NUAK1: variants seen among roughly 807,000 people sequenced by gnomAD.
The protein encoded by NUAK1 is NUAK family SNF1-like kinase 1.
NUAK1 carries 26 observed loss-of-function variants against 56.9 expected under a neutral mutation model. The observed-to-expected ratio is 0.46, with a 90% CI of 0.33 to 0.63. The LOEUF (loss-of-function observed/expected upper bound fraction) is 0.63. Among genes scored for constraint, NUAK1 ranks in the 30% least tolerant of loss-of-function variants. NUAK1 has a pLI of 0.02. For synonymous variants in NUAK1, 337 were observed against 336.0 expected (o/e 1.00, Z -0.03); for missense variants, 727 against 876.1 (o/e 0.83, Z 2.15).
chr12:106,090,567 A>G (rs1445196000), intron 2 of NUAK1, among the ~76,000 whole-genome samples: 1 of 152,154 alleles, frequency 6.6e-6, no homozygotes. Flanking sequence ...AACTACAAAG[A>G]GTACGAGGCA....
intron 4 of NUAK1, 40 bp from the exon 5 acceptor site, chr12:106,072,883 T>C (rs774255345): frequency 4.3e-6 from 7 of 1,611,230 alleles, no homozygotes; most frequent in Non-Finnish European, 5.9e-6. Flanking sequence ...TTGTTAGCAT[T>C]CCAGATTATG....
At chr12:106,134,035 C>T (rs2033105696) in intron 1 of NUAK1, among the ~76,000 whole-genome samples, 2 of 152,174 alleles carry the variant, frequency 1.3e-5, no homozygotes, top group Non-Finnish European at 1.5e-5. Context: ...CCATGTCTTT[C>T]TCTAGTAAAG....
At chr12:106,128,890 T>G (rs78696934) in intron 1 of NUAK1, among the ~76,000 whole-genome samples, 3 of 152,246 alleles carry the variant, frequency 2.0e-5, no homozygotes, top group African/African-American at 7.2e-5. Context: ...ATGGTGTTTT[T>G]TCAAGACATA....
chr12:106,087,910 T>C (rs574077711), intron 2 of NUAK1, among the ~76,000 whole-genome samples: 29 of 152,320 alleles, frequency 1.9e-4, no homozygotes, highest in African/African-American at 6.7e-4. Context: ...ATGCCGCAGG[T>C]TGCAGGGCCG....
Position 106,138,287 on chromosome 12 carries a change from G to T in NUAK1, c.240+127C>A. The T allele has an allele frequency of 7.7e-7, 1 of 1,299,174 alleles. No individual in the cohort carries two copies. Among genetic ancestry groups the T allele is most frequent in the Non-Finnish European group, 1.0e-6 (1 of 974,680 alleles). 80.5% of individuals were successfully genotyped at this position (1,299,174 alleles called of 1,614,324 possible). A position where few individuals can be genotyped will look rare whatever the true frequency, so the allele number is the denominator to read the frequency against. ...AGAAAGAGTGAGGAGTCTGTCTCGG[G>T]GCTTCCCAATGAGCCCCCTCTCTGT... On this transcript the variant is annotated intron_variant, in intron 1 of 6. Coordinates refer to ENST00000261402, the MANE Select transcript of NUAK1 (RefSeq NM_014840.3). This position sits in a 1 kb window ranked among gnomAD's most constrained non-coding sequence, Gnocchi z 5.0.
chr12:106,100,280 G>C (rs1445817986), intron 2 of NUAK1, among the ~76,000 whole-genome samples: 1 of 151,862 alleles, frequency 6.6e-6, no homozygotes, highest in Non-Finnish European at 1.5e-5. Context: ...GTGTGGTCCA[G>C]ATCTAGCCCT....
At chr12:106,071,250 G>A (rs974919514) in intron 5 of NUAK1, among the ~76,000 whole-genome samples, 2 of 152,182 alleles carry the variant, frequency 1.3e-5, no homozygotes, top group African/African-American at 4.8e-5. Flanking sequence ...ACTGAGGCAC[G>A]AAGAACCTAA....
At position 106,065,036 on chromosome 12, in the gene NUAK1, T is replaced by G. The variant is rs952729822; in HGVS notation, c.*1766A>C. The G allele has an allele frequency of 6.6e-6, 1 of 152,162 alleles. No homozygotes were observed. Among genetic ancestry groups the G allele is most frequent in the Non-Finnish European group, 1.5e-5 (1 of 68,030 alleles). The allele number at this position is 152,162 out of a possible 1,614,324, so 9.4% of individuals were successfully genotyped here. On this transcript the variant is annotated 3_prime_UTR_variant, in exon 7 of 7. Coordinates refer to ENST00000261402, the MANE Select transcript of NUAK1 (RefSeq NM_014840.3). The stretch of plus-strand genomic sequence containing the variant: ...ATTCTAATGCACTTTCTTAGCACTG[T>G]AAGGTGAATTTTTTTCTCATCTCCC...
chr12:106,087,531 G>C (rs975485573), intron 2 of NUAK1, among the ~76,000 whole-genome samples: 2 of 152,320 alleles, frequency 1.3e-5, no homozygotes, highest in African/African-American at 2.4e-5. Flanking sequence ...ATTTGGCACA[G>C]AGTAACATAG....
chr12:106,088,880 C>A (rs1413059762), intron 2 of NUAK1, among the ~76,000 whole-genome samples: 1 of 152,182 alleles, frequency 6.6e-6, no homozygotes, highest in African/African-American at 2.4e-5. Flanking sequence ...AAGCTCAGAC[C>A]CCTCCAGTTC....
At chr12:106,085,025 CT>C (rs2032557266) in intron 3 of NUAK1, among the ~76,000 whole-genome samples, 2 of 152,164 alleles carry the variant, frequency 1.3e-5, no homozygotes, top group Non-Finnish European at 2.9e-5. Context: ...TTCTACTAAT[CT>C]TTTTCTAATT....
chr12:106,117,899 A>C (rs2032934002), intron 1 of NUAK1, among the ~76,000 whole-genome samples: 2 of 152,218 alleles, frequency 1.3e-5, no homozygotes, highest in South Asian at 4.1e-4. Flanking sequence ...CTGTGTCCTC[A>C]ATATCTAGGA....
intron 1 of NUAK1, among the ~76,000 whole-genome samples, chr12:106,130,539 T>G (rs2033067269): frequency 6.6e-6 from 1 of 152,198 alleles, no homozygotes. Context: ...TGGGGAAGCT[T>G]CAGCCACAGA....
chr12:106,096,876 T>G (rs12303697), intron 2 of NUAK1, among the ~76,000 whole-genome samples: 2,304 of 152,296 alleles, frequency 0.015, 67 homozygotes, highest in African/African-American at 0.052. Flanking sequence ...CTGGAATTTT[T>G]GGGGGTGAGA....
chr12:106,096,000 C>T (rs1220131391), intron 2 of NUAK1, among the ~76,000 whole-genome samples: 2 of 152,176 alleles, frequency 1.3e-5, no homozygotes, highest in South Asian at 2.1e-4. Flanking sequence ...ACCCCCCTTT[C>T]AATATCCAAA....
At chr12:106,132,173 C>T (rs575362302) in intron 1 of NUAK1, among the ~76,000 whole-genome samples, 3 of 152,332 alleles carry the variant, frequency 2.0e-5, no homozygotes, top group South Asian at 2.1e-4. Flanking sequence ...AAGGGGAATT[C>T]GTGCAGAAAA....
At chr12:106,112,513 G>A (rs908796284) in intron 1 of NUAK1, among the ~76,000 whole-genome samples, 40 of 152,240 alleles carry the variant, frequency 2.6e-4, no homozygotes, top group African/African-American at 7.2e-4. Flanking sequence ...CAGTCACCAC[G>A]GTGATGCCAC....
intron 1 of NUAK1, among the ~76,000 whole-genome samples, chr12:106,122,402 C>G (rs191231903): frequency 6.6e-6 from 1 of 152,212 alleles, no homozygotes; most frequent in South Asian, 2.1e-4. Context: ...CCTGTTTATC[C>G]GCCTGAAAAA....
At chr12:106,078,583 G>A (rs993217526) in intron 4 of NUAK1, among the ~76,000 whole-genome samples, 1 of 152,182 alleles carries the variant, frequency 6.6e-6, no homozygotes, top group African/African-American at 2.4e-5. Flanking sequence ...GGAGTTGATC[G>A]CTGTGGCTTC....
Sources: gnomAD v4.1 joint callset for allele counts (sites outside exome capture counted in the v4.1 genomes callset) on GRCh38, gnomAD v4.1.1 for gene constraint, Gnocchi (gnomAD v3.1) non-coding constraint, MANE v1.5 for transcripts, NCBI Gene and HGNC (gene_info 2026-07-23, HGNC 2026-07-21) for gene names.